SEMA3E: variants seen among roughly 807,000 people sequenced by gnomAD.
SEMA3E encodes semaphorin 3E.
In SEMA3E, 49 loss-of-function variants were observed where a neutral mutation model predicts 93.6. The observed-to-expected ratio is 0.52, with a 90% CI of 0.42 to 0.66. The LOEUF is 0.66. SEMA3E is among the 30% of genes least tolerant of loss of function. The probability of loss-of-function intolerance (pLI) is 0.00; values close to 1 mark genes in which losing one functional copy is unlikely to be tolerated. For missense variants in SEMA3E, 906 were observed against 964.8 expected (o/e 0.94, Z 0.81); for synonymous variants, 363 against 330.7 (o/e 1.10, Z -1.06).
intron 1 of SEMA3E, among the ~76,000 whole-genome samples, chr7:83,532,510 A>T (rs779143251): frequency 2.0e-5 from 3 of 152,204 alleles, no homozygotes; most frequent in Non-Finnish European, 2.9e-5. Flanking sequence ...ACTGCATTAC[A>T]CTGTACAGTA....
chr7:83,491,466 T>C (rs1432250017), intron 1 of SEMA3E, among the ~76,000 whole-genome samples: 1 of 152,008 alleles, frequency 6.6e-6, no homozygotes, highest in African/African-American at 2.4e-5. Flanking sequence ...TGGAGTTAAA[T>C]TTAAATCTTT....
At chr7:83,463,849 C>A (rs1022943349) in intron 4 of SEMA3E, among the ~76,000 whole-genome samples, 4 of 152,180 alleles carry the variant, frequency 2.6e-5, no homozygotes, top group African/African-American at 9.7e-5. Context: ...CCCTACACAT[C>A]AAGCTCGAGG....
intron 1 of SEMA3E, among the ~76,000 whole-genome samples, chr7:83,645,019 G>T (rs1405466494): frequency 1.3e-5 from 2 of 151,910 alleles, no homozygotes; most frequent in Non-Finnish European, 2.9e-5. Flanking sequence ...AATTTCTGGG[G>T]CTTTCCATGT....
At chr7:83,615,771 T>G (rs972577947) in intron 1 of SEMA3E, among the ~76,000 whole-genome samples, 1 of 152,070 alleles carries the variant, frequency 6.6e-6, no homozygotes, top group Admixed American at 6.6e-5. Context: ...GAGAGCATTG[T>G]CTTCAGTGGA....
At chr7:83,427,866 G>C (rs1363909052) in intron 4 of SEMA3E, among the ~76,000 whole-genome samples, 2 of 152,184 alleles carry the variant, frequency 1.3e-5, no homozygotes, top group East Asian at 3.8e-4. Flanking sequence ...TGTTGGTCAC[G>C]ACTTACACTG....
At chr7:83,583,936 G>A (rs1452030680) in intron 1 of SEMA3E, among the ~76,000 whole-genome samples, 1 of 152,088 alleles carries the variant, frequency 6.6e-6, no homozygotes. Flanking sequence ...AAGAACTTGA[G>A]TCCTCATTGA....
intron 16 of SEMA3E, among the ~76,000 whole-genome samples, chr7:83,379,270 A>T (rs1787727568): frequency 6.6e-6 from 1 of 151,474 alleles, no homozygotes; most frequent in African/African-American, 2.4e-5. Flanking sequence ...GTAGATGAGG[A>T]TCGAAAAATT....
chr7:83,366,798 A>AAT lies in SEMA3E; in HGVS notation c.*786_*787dup, dbSNP rs1794676081. ...TGTAGAGAAAAAAGAAATGTGTGAG[A>AAT]ATATAATTTTTTTTACCACAAGAGG... On this transcript the variant is annotated 3_prime_UTR_variant, in exon 17 of 17. Transcript: ENST00000643230. 6.6e-6 allele frequency: 1 copy of AAT among 152,178 alleles called. No individual in the cohort carries two copies. The highest frequency in any genetic ancestry group is 1.5e-5 in the Non-Finnish European group (1 of 68,012). The allele number at this position is 152,178 out of a possible 1,614,324, so 9.4% of individuals were successfully genotyped here. A position where few individuals can be genotyped will look rare whatever the true frequency, so the allele number is the denominator to read the frequency against.
intron 4 of SEMA3E, among the ~76,000 whole-genome samples, chr7:83,435,493 G>A (rs1464234813): frequency 6.6e-6 from 1 of 152,104 alleles, no homozygotes; most frequent in Non-Finnish European, 1.5e-5. Context: ...CTGCCCAGGA[G>A]GCCGAGGCAG....
chr7:83,587,255 G>A (rs987581410), intron 1 of SEMA3E, among the ~76,000 whole-genome samples: 2 of 152,046 alleles, frequency 1.3e-5, no homozygotes, highest in African/African-American at 4.8e-5. Flanking sequence ...AAGAAATTAG[G>A]TAGTGCCTCT....
In SEMA3E at chr7:83,416,984, T is replaced by TACACAC. The variant is rs71522659; in HGVS notation, c.550+1400_550+1405dup. ...CTTCCTTTTTTTAATACTCTGTTTATACACACACACACACACACACACACA... is the reference window on the plus strand; with the variant it reads ...CTTCCTTTTTTTAATACTCTGTTTATACACACACACACACACACACACACACACACA... On this transcript the variant is annotated intron_variant, in intron 5 of 16. Coordinates refer to ENST00000643230, the MANE Select transcript of SEMA3E (RefSeq NM_012431.3). 5.2e-3 allele frequency among the ~76,000 whole-genome samples: 590 copies of TACACAC among 113,750 alleles called. 2 individuals are homozygous for TACACAC. Among genetic ancestry groups the TACACAC allele is most frequent in the African/African-American group, 0.016 (562 of 36,060 alleles). 74.6% of individuals were successfully genotyped at this position (113,750 alleles called of 152,430 possible).
At chr7:83,525,349 G>C (rs183465339) in intron 1 of SEMA3E, among the ~76,000 whole-genome samples, 34 of 151,790 alleles carry the variant, frequency 2.2e-4, no homozygotes, top group Non-Finnish European at 4.1e-4. Flanking sequence ...GACCTGCTTT[G>C]GTATGAGTTT....
At chr7:83,435,996 T>G (rs1359116514) in intron 4 of SEMA3E, among the ~76,000 whole-genome samples, 1 of 152,188 alleles carries the variant, frequency 6.6e-6, no homozygotes, top group African/African-American at 2.4e-5. Context: ...TTGTATAGAT[T>G]ACATTGATGT....
intron 1 of SEMA3E, among the ~76,000 whole-genome samples, chr7:83,555,565 T>A (rs921048287): frequency 6.6e-6 from 1 of 152,164 alleles, no homozygotes; most frequent in Admixed American, 6.5e-5. Flanking sequence ...ATGTCTACAA[T>A]GAGGCTTAAA....
chr7:83,641,478 G>A, intron 1 of SEMA3E: 1 of 642,776 alleles, frequency 1.6e-6, no homozygotes, highest in Non-Finnish European at 1.9e-6. Context: ...GTTCTATTGT[G>A]CGTTACAAAG....
chr7:83,640,726 T>A (rs73708516), intron 1 of SEMA3E, among the ~76,000 whole-genome samples: 1,538 of 152,340 alleles, frequency 0.01, 26 homozygotes, highest in African/African-American at 0.035. Flanking sequence ...ACTAAAAGTA[T>A]GTTTTCTTTC....
chr7:83,382,710 A>G (rs1279801497), intron 16 of SEMA3E, among the ~76,000 whole-genome samples: 1 of 151,610 alleles, frequency 6.6e-6, no homozygotes, highest in East Asian at 1.9e-4. Context: ...TCAAGGGAAA[A>G]TGCTCCACAT....
At chr7:83,454,488 C>T (rs530737946) in intron 4 of SEMA3E, among the ~76,000 whole-genome samples, 75 of 151,614 alleles carry the variant, frequency 4.9e-4, no homozygotes, top group African/African-American at 1.7e-3. Context: ...AAATGCATGG[C>T]TATAATGATC....
chr7:83,449,945 C>T (rs531343534), intron 4 of SEMA3E, among the ~76,000 whole-genome samples: 4 of 152,260 alleles, frequency 2.6e-5, no homozygotes, highest in African/African-American at 9.6e-5. Context: ...CCCCAACAAA[C>T]CCATTTGGCA....
Sources: allele counts gnomAD v4.1 joint callset (sites outside exome capture counted in the v4.1 genomes callset), GRCh38; gene constraint gnomAD v4.1.1; transcripts MANE v1.5; gene names NCBI Gene and HGNC (gene_info 2026-07-23, HGNC 2026-07-21).